The following LMOD1 variants were observed in gnomAD, a reference collection of about 807,000 sequenced individuals.
LMOD1 encodes leiomodin-1.
A neutral mutation model predicts 36.5 loss-of-function variants in LMOD1; 8 were observed. The ratio of observed to expected loss-of-function variants is 0.22; its 90% CI spans 0.13 to 0.40. The LOEUF is 0.40. Among genes scored for constraint, LMOD1 ranks in the 10% least tolerant of loss-of-function variants. The pLI is 1.00. For missense variants in LMOD1, 630 were observed against 751.1 expected, an observed-to-expected ratio of 0.84 and a Z score of 1.88; for synonymous variants, 284 against 288.7, an observed-to-expected ratio of 0.98 and a Z score of 0.17.
chr1:201,939,793 CAT>C (rs1682083550), intron 1 of LMOD1, among the ~76,000 whole-genome samples: 2 of 151,374 alleles, frequency 1.3e-5, no homozygotes, highest in African/African-American at 2.4e-5. Flanking sequence ...TGTGTATACA[CAT>C]GTGTGTAGAC....
chr1:201,922,233 G>A (rs998007146), intron 1 of LMOD1, among the ~76,000 whole-genome samples: 9 of 152,128 alleles, frequency 5.9e-5, no homozygotes, highest in Non-Finnish European at 1.0e-4. Context: ...GCAATTGCAT[G>A]CCTCAATACA....
chr1:201,913,728 G>T (rs955750441), intron 1 of LMOD1, among the ~76,000 whole-genome samples: 2 of 152,176 alleles, frequency 1.3e-5, no homozygotes, highest in African/African-American at 4.8e-5. Flanking sequence ...CAAGAGTGAG[G>T]CTTAAGCCCT....
chr1:201,921,685 A>G (rs1052514289), intron 1 of LMOD1, among the ~76,000 whole-genome samples: 3 of 151,176 alleles, frequency 2.0e-5, no homozygotes, highest in Admixed American at 6.6e-5. Context: ...TTATGGCCGG[A>G]TGCAGTGGCT....
rs192549925 is a variant in LMOD1, at chr1:201,913,161, C to A, written c.262-12410G>T. Among the ~76,000 whole-genome samples, 5 of 152,278 alleles carry A rather than the reference C, an allele frequency of 3.3e-5. No individual in the cohort carries two copies. In the South Asian group the frequency reaches 1.0e-3, roughly 32 times the overall value. On this transcript the variant is annotated intron_variant, in intron 1 of 2. Coordinates refer to ENST00000367288, the MANE Select transcript of LMOD1 (RefSeq NM_012134.3). ...CAGCCATTTTATTGTCCATCTTCAC[C>A]CTTTCTCCCAAAGGACTGAGCAGCT...
chr1:201,919,315 C>T (rs964147920), intron 1 of LMOD1, among the ~76,000 whole-genome samples: 2 of 152,058 alleles, frequency 1.3e-5, no homozygotes. Flanking sequence ...AGCAATTTTC[C>T]TGCCTCAGCC....
At chr1:201,917,928 C>A (rs1057343775) in intron 1 of LMOD1, among the ~76,000 whole-genome samples, 2 of 152,228 alleles carry the variant, frequency 1.3e-5, no homozygotes, top group African/African-American at 4.8e-5. Flanking sequence ...TTGGCTAAAG[C>A]AGGAGCAGCT....
chr1:201,923,966 A>AAAAGG (rs1681754285), intron 1 of LMOD1, among the ~76,000 whole-genome samples: 1 of 150,266 alleles, frequency 6.7e-6, no homozygotes, highest in Non-Finnish European at 1.5e-5. Flanking sequence ...AAGAAAAAGA[A>AAAAGG]AAAGGAAAGA....
At chr1:201,924,674 A>AAAGAAAG (rs1553297907) in intron 1 of LMOD1, among the ~76,000 whole-genome samples, 28 of 12,788 alleles carry the variant, frequency 2.2e-3, no homozygotes, top group South Asian at 0.018. Context: ...AAAAAGAAAG[A>AAAGAAAG]AAGAAAGAAA....
rs766281763 is a variant in LMOD1 at position 201,899,224 on chromosome 1, C to A, written c.1776+13G>T. The stretch of plus-strand genomic sequence containing the variant: ...CAGCCCCGCCCTGTTGGCTCATGCC[C>A]ACAACTACTTAACTTCTTGAGCTGC... On this transcript the variant is annotated intron_variant, in intron 2 of 2. Transcript: ENST00000367288. The surrounding 1 kb of genome is among the most constrained non-coding windows in gnomAD (Gnocchi z 6.3). 12 of 1,567,618 alleles carry A rather than the reference C, an allele frequency of 7.7e-6. No individual in the cohort carries two copies. The highest frequency in any genetic ancestry group is 2.3e-5 in the East Asian group (1 of 44,272).
chr1:201,923,737 C>T (rs192937066), intron 1 of LMOD1, among the ~76,000 whole-genome samples: 4 of 151,964 alleles, frequency 2.6e-5, no homozygotes, highest in East Asian at 3.9e-4. Context: ...TGGTGATGCA[C>T]GCCTGTAGTC....
intron 1 of LMOD1, among the ~76,000 whole-genome samples, chr1:201,907,986 A>G (rs970716387): frequency 4.6e-5 from 7 of 152,148 alleles, no homozygotes; most frequent in Admixed American, 2.6e-4. Context: ...CATGCCCCCC[A>G]CCATAGAGCA....
chr1:201,926,373 A>T (rs774132031), intron 1 of LMOD1, among the ~76,000 whole-genome samples: 1 of 152,114 alleles, frequency 6.6e-6, no homozygotes, highest in African/African-American at 2.4e-5. Flanking sequence ...TCTGTTTATC[A>T]TCTTGTTTGG....
chr1:201,924,181 G>C (rs1297718722), intron 1 of LMOD1, among the ~76,000 whole-genome samples: 1 of 151,054 alleles, frequency 6.6e-6, no homozygotes, highest in African/African-American at 2.4e-5. Context: ...AAAATTAGCC[G>C]GGAGCGGTGG....
Position 201,896,825 on chromosome 1 carries a change from C to G in LMOD1, c.*1547G>C, listed in dbSNP as rs1404453324. 4.7e-6 allele frequency: 2 copies of G among 427,804 alleles called. No individual in the cohort carries two copies. Among genetic ancestry groups the G allele is most frequent in the Non-Finnish European group, 9.5e-6 (2 of 211,164 alleles). The allele number at this position is 427,804 out of a possible 1,614,324, so 26.5% of individuals were successfully genotyped here. ...ACCCTGGGATCTGAGGGCTTTACCC[C>G]CAGGACTAGACTGCCCTCTGGTTTT... On this transcript the variant is annotated 3_prime_UTR_variant, in exon 3 of 3. Transcript: ENST00000367288.
At chr1:201,935,758 T>C (rs1682007669) in intron 1 of LMOD1, among the ~76,000 whole-genome samples, 1 of 148,178 alleles carries the variant, frequency 6.7e-6, no homozygotes, top group Non-Finnish European at 1.5e-5. Context: ...GGTTTCACCA[T>C]GTTGGCCAGG....
rs548610373 is a variant in LMOD1 at position 201,924,476 on chromosome 1, G to A, written c.261+21604C>T. Reference sequence around the variant, plus strand: ...GGGAGGGAGGGAAGGAAGGAAGGAAGGAAGCAAGGAAGGAGGGAGGGAGGG... The same window carrying A: ...GGGAGGGAGGGAAGGAAGGAAGGAAAGAAGCAAGGAAGGAGGGAGGGAGGG... On this transcript the variant is annotated intron_variant, in intron 1 of 2. Transcript: ENST00000367288. Among the ~76,000 whole-genome samples the A allele has an allele frequency of 1.2e-3, 113 of 91,442 alleles. 7 individuals carry two copies. The highest frequency in any genetic ancestry group is 1.8e-3 in the Non-Finnish European group (84 of 45,906). 60.0% of individuals were successfully genotyped at this position (91,442 alleles called of 152,430 possible).
chr1:201,901,673 T>TATATACAC (rs1553295747), intron 1 of LMOD1, among the ~76,000 whole-genome samples: 6 of 98,824 alleles, frequency 6.1e-5, no homozygotes, highest in African/African-American at 2.4e-4. Context: ...TATATATATA[T>TATATACAC]ACACATATAT....
rs1428710289 is a variant in LMOD1 at position 201,899,810 on chromosome 1, GC to G, written c.1202del (p.Gly401AlafsTer17). 1 of 1,613,912 alleles carries G rather than the reference GC, an allele frequency of 6.2e-7. No homozygotes were observed. The highest frequency in any genetic ancestry group is 1.7e-5 in the Admixed American group (1 of 60,008). Reference protein sequence around the residue: ...SLNLDSNHITGKGILAIFRAL... With the variant: ...SLNLDSNHITXKGILAIFRAL... ...CCCGGAAGATGGCCAGGATGCCTTT[GC>G]CTGTGATGTGGTTGGAGTCCAGGTT... On this transcript the variant is annotated frameshift_variant, in exon 2 of 3. Coordinates refer to ENST00000367288, the MANE Select transcript of LMOD1 (RefSeq NM_012134.3). LOFTEE classifies it high-confidence loss of function. This position sits in a 1 kb window ranked among gnomAD's most constrained non-coding sequence, Gnocchi z 6.3.
intron 1 of LMOD1, among the ~76,000 whole-genome samples, chr1:201,911,101 C>T (rs1398027313): frequency 1.3e-5 from 2 of 152,116 alleles, no homozygotes; most frequent in East Asian, 3.9e-4. Flanking sequence ...CAACACAAAC[C>T]CAAAGAGAGC....
Sources: allele counts gnomAD v4.1 joint callset (sites outside exome capture counted in the v4.1 genomes callset), GRCh38; gene constraint gnomAD v4.1.1; non-coding constraint Gnocchi (gnomAD v3.1); transcripts MANE v1.5; gene names NCBI Gene and HGNC (gene_info 2026-07-23, HGNC 2026-07-21).